ABCA3: variants seen among roughly 807,000 people sequenced by gnomAD.
ABCA3 encodes the protein phospholipid-transporting ATPase ABCA3.
In ABCA3, 88 loss-of-function variants were observed where a neutral mutation model predicts 172.8. The observed-to-expected ratio is 0.51, with a 90% confidence interval of 0.43 to 0.61. The LOEUF is 0.61. Among genes scored for constraint, ABCA3 ranks in the 20% least tolerant of loss-of-function variants. The pLI is 0.00. For missense variants in ABCA3, 2,164 were observed against 2,301.0 expected, an observed-to-expected ratio of 0.94 and a Z score of 1.22; for synonymous variants, 1,066 against 983.8, an observed-to-expected ratio of 1.08 and a Z score of -1.56.
At chr16:2,293,614 T>A (rs2093675448) in intron 18 of ABCA3, among the ~76,000 whole-genome samples, 1 of 151,402 alleles carries the variant, frequency 6.6e-6, no homozygotes, top group African/African-American at 2.4e-5. Context: ...CTTGGCTCAC[T>A]GCAAGATCTG....
Position 2,284,095 on chromosome 16 carries a change from C to T in ABCA3, c.3862+184G>A, listed in dbSNP as rs571589598. 17 of 669,004 alleles carry T rather than the reference C, an allele frequency of 2.5e-5. No homozygotes were observed. Among genetic ancestry groups the T allele is most frequent in the Middle Eastern group, 8.6e-4 (2 of 2,336 alleles). 41.4% of individuals were successfully genotyped at this position (669,004 alleles called of 1,614,324 possible). ...AGGTGGGAGAGTGGGAGCTCAGGTA[C>T]AGGGCCTGGGAGCGAGCGGGCGCGA... is the stretch of plus-strand genomic sequence containing the variant. On this transcript the variant is annotated intron_variant, in intron 25 of 32. Transcript: ENST00000301732. This position sits in a 1 kb window ranked among gnomAD's most constrained non-coding sequence, Gnocchi z 5.9.
intron 10 of ABCA3, 65 bp from the exon 11 acceptor site, chr16:2,308,688 C>A (rs1177240206): frequency 6.3e-7 from 1 of 1,594,488 alleles, no homozygotes; most frequent in Non-Finnish European, 8.6e-7. Context: ...TTGGGCTCCC[C>A]GAGGTACAGG....
chr16:2,329,743 T>C lies in ABCA3; in HGVS notation c.-427A>G. The C allele has an allele frequency of 6.6e-6, 1 of 152,206 alleles. No individual in the cohort carries two copies. The highest frequency in any genetic ancestry group is 1.5e-5 in the Non-Finnish European group (1 of 68,092). The allele number at this position is 152,206 out of a possible 1,614,324, so 9.4% of individuals were successfully genotyped here. Reference sequence around the variant, plus strand: ...CGGCTCCGCACAGAGGGCTCCGGGGTGGGGCCTGAGAGCCTCTGGAGTGGG... The same window carrying C: ...CGGCTCCGCACAGAGGGCTCCGGGGCGGGGCCTGAGAGCCTCTGGAGTGGG... On this transcript the variant is annotated 5_prime_UTR_variant, in exon 2 of 33. Coordinates refer to ENST00000301732, the MANE Select transcript of ABCA3 (RefSeq NM_001089.3).
rs1437449473 is a variant in ABCA3 at position 2,278,336 on chromosome 16, A to G, written c.4670T>C (p.Val1557Ala). 2 of 1,611,232 alleles carry G rather than the reference A, an allele frequency of 1.2e-6. No homozygotes were observed. Among genetic ancestry groups the G allele is most frequent in the Non-Finnish European group, 1.7e-6 (2 of 1,179,988 alleles). Reference protein sequence around the residue: ...PVARRLLWDTVARARESGKAI... With the variant: ...PVARRLLWDTAARARESGKAI... The stretch of plus-strand genomic sequence containing the variant: ...CTTGCCAGACTCTCGGGCTCGTGCC[A>G]CGGTGTCCCAAAGCAGGCGCCGGGC... Residue 1557 changes from valine to alanine, a missense_variant, in exon 30 of 33, where the codon GTG (valine) becomes GCG (alanine). By Grantham distance (64) the Val-to-Ala change is moderately conservative (BLOSUM62 0). This residue lies in a region of ABCA3 where 795 missense variants were observed against 881.9 expected (regional missense o/e 0.90). Coordinates refer to ENST00000301732, the MANE Select transcript of ABCA3 (RefSeq NM_001089.3). The surrounding 1 kb of genome is among the most constrained non-coding windows in gnomAD (Gnocchi z 4.4).
Position 2,297,631 on chromosome 16 carries a change from A to T in ABCA3, c.2053-92T>A. ...GTAGGCCCCATCGAGGGGTTCGCGG[A>T]GCCGGCTTGAGTCCTCCAAGGATGG... On this transcript the variant is annotated intron_variant, in intron 16 of 32. Coordinates refer to ENST00000301732, the MANE Select transcript of ABCA3 (RefSeq NM_001089.3). This position sits in a 1 kb window ranked among gnomAD's most constrained non-coding sequence, Gnocchi z 5.6. 4 of 1,587,954 alleles carry T rather than the reference A, an allele frequency of 2.5e-6. No individual in the cohort carries two copies. Among genetic ancestry groups the T allele is most frequent in the Non-Finnish European group, 3.4e-6 (4 of 1,169,564 alleles).
At chr16:2,301,449 G>C (rs1383384602) in intron 12 of ABCA3, among the ~76,000 whole-genome samples, 2 of 152,134 alleles carry the variant, frequency 1.3e-5, no homozygotes, top group African/African-American at 4.8e-5. Flanking sequence ...GCTCACGCCT[G>C]TCATCCCAGC....
intron 18 of ABCA3, among the ~76,000 whole-genome samples, chr16:2,292,543 G>GA (rs2093673653): frequency 6.6e-6 from 1 of 152,006 alleles, no homozygotes; most frequent in Non-Finnish European, 1.5e-5. Flanking sequence ...AGGCTGCAGT[G>GA]AACCGAGATT....
chr16:2,303,850 G>A (rs2093693369), intron 12 of ABCA3, 119 bp downstream of exon 12: 1 of 1,172,760 alleles, frequency 8.5e-7, no homozygotes, highest in Non-Finnish European at 1.2e-6. Context: ...GCAGGGTTCT[G>A]TGTGCCAGCC....
rs2093650886 is a variant in ABCA3, at chr16:2,278,908, C to G, written c.4547+35G>C. ...TGCTATGGGGACCTTGATTCTGACTCCACTCTGGGAAGGGCCAGGGCTCGG... is the reference window on the plus strand; with the variant it reads ...TGCTATGGGGACCTTGATTCTGACTGCACTCTGGGAAGGGCCAGGGCTCGG... On this transcript the variant is annotated intron_variant, in intron 29 of 32. Transcript: ENST00000301732. This position sits in a 1 kb window ranked among gnomAD's most constrained non-coding sequence, Gnocchi z 4.4. The G allele has an allele frequency of 1.2e-6, 2 of 1,612,774 alleles. No individual in the cohort carries two copies. Among genetic ancestry groups the G allele is most frequent in the African/African-American group, 1.3e-5 (1 of 74,940 alleles).
chr16:2,320,380 G>A (rs2093724139), intron 7 of ABCA3, among the ~76,000 whole-genome samples: 1 of 148,298 alleles, frequency 6.7e-6, no homozygotes, highest in Non-Finnish European at 1.5e-5. Context: ...TTACAGGCGT[G>A]AGCCACTGCA....
chr16:2,338,600 T>C (rs1384498573), intron 1 of ABCA3, among the ~76,000 whole-genome samples: 13 of 152,060 alleles, frequency 8.5e-5, no homozygotes. Flanking sequence ...GAGCCAACTC[T>C]CCTCCACCTC....
At chr16:2,288,480 C>T (rs1247682024) in intron 20 of ABCA3, 151 bp from the exon 21 acceptor site, 13 of 948,980 alleles carry the variant, frequency 1.4e-5, no homozygotes, top group South Asian at 3.3e-5. Context: ...TTGAAACGGC[C>T]GTGGGAGGAG....
At chr16:2,339,199 T>G (rs2093756546) in intron 1 of ABCA3, 1 of 152,252 alleles carries the variant, frequency 6.6e-6, no homozygotes, top group Non-Finnish European at 1.5e-5. Flanking sequence ...TACCTGGGCC[T>G]TCCCAGTTGA....
intron 1 of ABCA3, among the ~76,000 whole-genome samples, chr16:2,340,301 C>G (rs1380203276): frequency 2.0e-5 from 3 of 151,996 alleles, no homozygotes; most frequent in Non-Finnish European, 4.4e-5. Flanking sequence ...AGGCACTGCC[C>G]GCAGTGCGGG....
At chr16:2,298,951 C>A (rs1019520349) in intron 14 of ABCA3, among the ~76,000 whole-genome samples, 1 of 152,182 alleles carries the variant, frequency 6.6e-6, no homozygotes, top group African/African-American at 2.4e-5. Context: ...TGGGGTTGAG[C>A]TGCTCCTGCG....
intron 10 of ABCA3, among the ~76,000 whole-genome samples, chr16:2,314,018 G>A (rs2093710873): frequency 6.6e-6 from 1 of 152,192 alleles, no homozygotes; most frequent in African/African-American, 2.4e-5. Context: ...GCAGGAGACT[G>A]GCAACCTGTG....
chr16:2,301,293 T>C (rs1376461382), intron 12 of ABCA3, among the ~76,000 whole-genome samples: 1 of 151,820 alleles, frequency 6.6e-6, no homozygotes, highest in Non-Finnish European at 1.5e-5. Context: ...AAGTGTGGCA[T>C]TTTTCTTTCT....
chr16:2,322,830 T>A (rs534929502), intron 7 of ABCA3, among the ~76,000 whole-genome samples: 1 of 152,136 alleles, frequency 6.6e-6, no homozygotes, highest in African/African-American at 2.4e-5. Context: ...CAAGAGCTTC[T>A]GCACAACAAA....
At position 2,284,882 on chromosome 16, in the gene ABCA3, G is replaced by A. The variant is rs2093660374; in HGVS notation, c.3600C>T (p.Asn1200=). 6.2e-7 allele frequency: 1 copy of A among 1,613,884 alleles called. No individual in the cohort carries two copies. The highest frequency in any genetic ancestry group is 1.6e-4 in the Middle Eastern group (1 of 6,062). ...WAIIPLMYLM[N]FFFLGAATAY... is the part of the protein sequence containing the mutation. ...CAGTGGCCGCCCCCAAGAAGAAGAA[G>A]TTCATCAGGTACATGAGGGGGATGA... Residue 1200 remains asparagine, a synonymous_variant, in exon 24 of 33, where the codon AAC becomes AAT. Transcript: ENST00000301732. The surrounding 1 kb of genome is among the most constrained non-coding windows in gnomAD (Gnocchi z 5.9).
Sources: allele counts gnomAD v4.1 joint callset (sites outside exome capture counted in the v4.1 genomes callset), GRCh38; gene constraint gnomAD v4.1.1; regional missense constraint gnomAD v4.1.1; non-coding constraint Gnocchi (gnomAD v3.1); transcripts MANE v1.5; gene names NCBI Gene and HGNC (gene_info 2026-07-23, HGNC 2026-07-21).